AFG2A: variants seen among roughly 807,000 people sequenced by gnomAD.
The protein encoded by AFG2A is ATPase family gene 2 protein homolog A.
chr4:123,194,918 A>G, the AFG2A span, among the ~76,000 whole-genome samples: 1 of 152,312 alleles, frequency 6.6e-6, no homozygotes, highest in East Asian at 1.9e-4. Context: ...TCCCCATAAT[A>G]TTATTATTCC....
At chr4:123,316,556 A>T in the AFG2A span, 1 of 152,228 alleles carries the variant, frequency 6.6e-6, no homozygotes, top group Non-Finnish European at 1.5e-5. Flanking sequence ...TTCCCTATTA[A>T]ATATATGGCT....
the AFG2A span, among the ~76,000 whole-genome samples, chr4:123,008,256 C>T: frequency 6.6e-6 from 1 of 152,122 alleles, no homozygotes; most frequent in East Asian, 1.9e-4. Flanking sequence ...AGATGCCAGG[C>T]TCTTTTCAGT....
At chr4:123,213,391 T>G in the AFG2A span, among the ~76,000 whole-genome samples, 1 of 152,146 alleles carries the variant, frequency 6.6e-6, no homozygotes, top group Non-Finnish European at 1.5e-5. Flanking sequence ...AAAAATCTTA[T>G]AAGTTTAGAC....
the AFG2A span, among the ~76,000 whole-genome samples, chr4:123,206,432 A>G: frequency 6.6e-6 from 1 of 152,156 alleles, no homozygotes; most frequent in African/African-American, 2.4e-5. Context: ...GGATGTAACT[A>G]ACAGGAAAAC....
chr4:123,211,632 G>C, the AFG2A span, among the ~76,000 whole-genome samples: 14 of 152,132 alleles, frequency 9.2e-5, no homozygotes, highest in Non-Finnish European at 1.9e-4. Context: ...ACAATTTGGG[G>C]TAAATGTCTA....
chr4:123,262,752 T>A, the AFG2A span, among the ~76,000 whole-genome samples: 2 of 152,194 alleles, frequency 1.3e-5, no homozygotes, highest in Non-Finnish European at 2.9e-5. Flanking sequence ...TCCTAGGTAT[T>A]GTGAATAATG....
chr4:123,268,604 C>G, the AFG2A span, among the ~76,000 whole-genome samples: 1 of 152,134 alleles, frequency 6.6e-6, no homozygotes, highest in African/African-American at 2.4e-5. Flanking sequence ...GACAGGAGAG[C>G]TATTCTTGAA....
chr4:123,012,264 G>T, the AFG2A span, among the ~76,000 whole-genome samples: 1 of 147,238 alleles, frequency 6.8e-6, no homozygotes, highest in Non-Finnish European at 1.5e-5. Context: ...GTGGAAAAGG[G>T]GTAGAGACAC....
chr4:123,116,791 T>C, the AFG2A span, among the ~76,000 whole-genome samples: 1 of 152,220 alleles, frequency 6.6e-6, no homozygotes, highest in Non-Finnish European at 1.5e-5. Flanking sequence ...GGAGACAATA[T>C]GGTGATCTTG....
chr4:122,966,374 A>T, the AFG2A span, among the ~76,000 whole-genome samples: 800 of 152,294 alleles, frequency 5.3e-3, 7 homozygotes, highest in African/African-American at 0.018. Context: ...ATAGAGTTGG[A>T]TGTAGGTTTA....
chr4:122,939,714 A>C, the AFG2A span, among the ~76,000 whole-genome samples: 1 of 151,796 alleles, frequency 6.6e-6, no homozygotes, highest in South Asian at 2.1e-4. Context: ...ATGTGCCATG[A>C]TGGTGTGCTG....
the AFG2A span, among the ~76,000 whole-genome samples, chr4:122,973,930 A>C: frequency 6.6e-6 from 1 of 152,160 alleles, no homozygotes; most frequent in South Asian, 2.1e-4. Context: ...CGCCCGTCTC[A>C]GCCTCCCAAA....
the AFG2A span, among the ~76,000 whole-genome samples, chr4:123,191,658 TTC>T: frequency 1.3e-5 from 2 of 152,242 alleles, no homozygotes; most frequent in Admixed American, 6.5e-5. Flanking sequence ...GTCTTCATCT[TTC>T]TCTCTCTCTT....
At chr4:123,096,030 T>C in the AFG2A span, among the ~76,000 whole-genome samples, 1 of 152,134 alleles carries the variant, frequency 6.6e-6, no homozygotes, top group Non-Finnish European at 1.5e-5. Flanking sequence ...TCTGGTGTTT[T>C]AGCAAAGACA....
the AFG2A span, among the ~76,000 whole-genome samples, chr4:122,967,386 A>G: frequency 6.6e-6 from 1 of 152,076 alleles, no homozygotes; most frequent in East Asian, 1.9e-4. Context: ...GTAATAGAGC[A>G]AGACCTTGTC....
At chr4:123,187,535 G>A in the AFG2A span, among the ~76,000 whole-genome samples, 23 of 152,158 alleles carry the variant, frequency 1.5e-4, no homozygotes, top group African/African-American at 5.5e-4. Context: ...TAGTTATTAA[G>A]AATATTGGTA....
At chr4:122,981,809 T>C in the AFG2A span, among the ~76,000 whole-genome samples, 119 of 152,160 alleles carry the variant, frequency 7.8e-4, 1 homozygote, top group East Asian at 5.2e-3. Flanking sequence ...TTTTGGATAG[T>C]TGTTAGAGTA....
chr4:123,228,966 T>A, the AFG2A span, among the ~76,000 whole-genome samples: 1 of 152,002 alleles, frequency 6.6e-6, no homozygotes, highest in Non-Finnish European at 1.5e-5. Flanking sequence ...AATGGAATCA[T>A]GAACAATACA....
At chr4:122,948,630 C>T in the AFG2A span, among the ~76,000 whole-genome samples, 1 of 152,028 alleles carries the variant, frequency 6.6e-6, no homozygotes, top group Non-Finnish European at 1.5e-5. Context: ...GGACCCAGAG[C>T]CAATAAATGA....
Sources: gnomAD v4.1 joint callset for allele counts (sites outside exome capture counted in the v4.1 genomes callset) on GRCh38, gnomAD v4.1.1 for gene constraint, MANE v1.5 for transcripts, NCBI Gene and HGNC (gene_info 2026-07-23, HGNC 2026-07-21) for gene names.